CBLN2: variants seen among roughly 807,000 people sequenced by gnomAD.
The protein encoded by CBLN2 is cerebellin-2.
A neutral mutation model predicts 15.0 loss-of-function variants in CBLN2; 7 were observed. The observed-to-expected ratio is 0.47, with a 90% CI of 0.27 to 0.88. The LOEUF is 0.88. Ranked by LOEUF, CBLN2 falls within the 40% of genes least tolerant of loss-of-function variation. The probability of loss-of-function intolerance (pLI) is 0.14; values close to 1 mark genes in which losing one functional copy is unlikely to be tolerated. For missense variants in CBLN2, 242 were observed against 304.5 expected, an observed-to-expected ratio of 0.79 and a Z score of 1.53; for synonymous variants, 149 against 135.2, an observed-to-expected ratio of 1.10 and a Z score of -0.71.
intron 1 of CBLN2, among the ~76,000 whole-genome samples, chr18:72,606,551 T>G (rs1174123685): frequency 1.3e-5 from 2 of 152,216 alleles, no homozygotes; most frequent in East Asian, 3.9e-4. Flanking sequence ...CTTAGAATCA[T>G]ATCCTAGTGT....
At chr18:72,585,649 C>G (rs2069437660) in intron 1 of CBLN2, among the ~76,000 whole-genome samples, 1 of 152,184 alleles carries the variant, frequency 6.6e-6, no homozygotes, top group African/African-American at 2.4e-5. Flanking sequence ...TCAGGCCATC[C>G]CTGGCTTGAA....
At chr18:72,619,099 AT>A in intron 1 of CBLN2, 1 of 747,336 alleles carries the variant, frequency 1.3e-6, no homozygotes, top group Non-Finnish European at 2.4e-6. Context: ...AAGAGAGTAA[AT>A]TTTGGAGGCA....
At chr18:72,634,134 T>A (rs1259391951) in intron 1 of CBLN2, among the ~76,000 whole-genome samples, 1 of 152,032 alleles carries the variant, frequency 6.6e-6, no homozygotes, top group African/African-American at 2.4e-5. Context: ...GCATGCACAA[T>A]AAAGGTTTAG....
chr18:72,561,453 C>T lies in CBLN2; in HGVS notation c.16-22681G>A, dbSNP rs958400687. ...TGACTTTAACACATCTTTATTTTAT[C>T]TCCTTCTCTCTCTTTCCTCTCTGTC... is the stretch of plus-strand genomic sequence containing the variant. On this transcript the variant is annotated intron_variant, in intron 1 of 2. Coordinates refer to the CBLN2 transcript ENST00000581073. 1.3e-5 allele frequency among the ~76,000 whole-genome samples: 2 copies of T among 152,150 alleles called. 1 individual carries two copies. Among genetic ancestry groups the T allele is most frequent in the Non-Finnish European group, 2.9e-5 (2 of 68,032 alleles).
intron 1 of CBLN2, chr18:72,620,298 T>G (rs2069691610): frequency 6.6e-6 from 1 of 152,158 alleles, no homozygotes; most frequent in African/African-American, 2.4e-5. Context: ...CTCTTGTCTG[T>G]CATCCAGGAA....
intron 1 of CBLN2, among the ~76,000 whole-genome samples, chr18:72,568,022 CTCT>C (rs747714863): frequency 6.6e-6 from 1 of 152,112 alleles, no homozygotes; most frequent in African/African-American, 2.4e-5. Flanking sequence ...TCATTTTCAC[CTCT>C]TTTCTCACTC....
In CBLN2 at chr18:72,543,540, G is replaced by A; in HGVS notation, c.-211-10C>T. Reference sequence around the variant, plus strand: ...TGTCCGCGAAGTTGCTCTGCTTAGAGAAAATGAGGCGAGTGGGAGCTGTCG... The same window carrying A: ...TGTCCGCGAAGTTGCTCTGCTTAGAAAAAATGAGGCGAGTGGGAGCTGTCG... On this transcript the variant is annotated splice_polypyrimidine_tract_variant and intron_variant, in intron 1 of 4. Coordinates refer to ENST00000269503, the MANE Select transcript of CBLN2 (RefSeq NM_182511.4). This position sits in a 1 kb window ranked among gnomAD's most constrained non-coding sequence, Gnocchi z 6.8. The A allele has an allele frequency of 7.5e-6, 3 of 398,508 alleles. No homozygotes were observed. Among genetic ancestry groups the A allele is most frequent in the Non-Finnish European group, 4.4e-6 (1 of 226,006 alleles). The allele number at this position is 398,508 out of a possible 1,614,324, so 24.7% of individuals were successfully genotyped here. A position where few individuals can be genotyped will look rare whatever the true frequency, so the allele number is the denominator to read the frequency against.
At chr18:72,563,668 C>T (rs1368580108) in intron 1 of CBLN2, among the ~76,000 whole-genome samples, 1 of 152,178 alleles carries the variant, frequency 6.6e-6, no homozygotes, top group Non-Finnish European at 1.5e-5. Flanking sequence ...TTCAATAGGC[C>T]ATTCACATGC....
chr18:72,558,860 C>A (rs908853352), intron 1 of CBLN2, among the ~76,000 whole-genome samples: 4 of 152,130 alleles, frequency 2.6e-5, no homozygotes, highest in African/African-American at 7.2e-5. Flanking sequence ...TCAAGACCAA[C>A]CTGGCCAACA....
At position 72,543,141 on chromosome 18, in the gene CBLN2, G is replaced by A; in HGVS notation, c.-167+345C>T. On this transcript the variant is annotated intron_variant, in intron 2 of 4. Transcript: ENST00000269503. This position sits in a 1 kb window ranked among gnomAD's most constrained non-coding sequence, Gnocchi z 6.8. ...GGATTCTCTCTTTCTCAGCGGGGCGGCAGCCCCTGCAGGTTTCTGCGAACT... is the reference window on the plus strand; with the variant it reads ...GGATTCTCTCTTTCTCAGCGGGGCGACAGCCCCTGCAGGTTTCTGCGAACT... The A allele has an allele frequency of 9.2e-6, 2 of 217,726 alleles. No homozygotes were observed. Among genetic ancestry groups the A allele is most frequent in the Non-Finnish European group, 1.8e-5 (2 of 110,566 alleles). 13.5% of individuals were successfully genotyped at this position (217,726 alleles called of 1,614,324 possible).
upstream of CBLN2, among the ~76,000 whole-genome samples, chr18:72,546,392 G>C (rs570834282): frequency 1.0e-3 from 152 of 151,988 alleles, no homozygotes; most frequent in Admixed American, 1.6e-3. Flanking sequence ...AGCCAAGATC[G>C]GGCCACTGCA....
intron 1 of CBLN2, among the ~76,000 whole-genome samples, chr18:72,587,308 C>A (rs552049346): frequency 6.6e-6 from 1 of 152,034 alleles, no homozygotes; most frequent in Admixed American, 6.5e-5. Context: ...ACTTAATATG[C>A]AACTTGAAAT....
At chr18:72,578,932 T>C (rs914278348) in intron 1 of CBLN2, among the ~76,000 whole-genome samples, 1 of 152,248 alleles carries the variant, frequency 6.6e-6, no homozygotes, top group African/African-American at 2.4e-5. Context: ...ACAGTGACAC[T>C]GTGTCGCTAT....
intron 1 of CBLN2, among the ~76,000 whole-genome samples, chr18:72,579,404 T>C (rs1327447606): frequency 6.6e-6 from 1 of 152,190 alleles, no homozygotes; most frequent in Non-Finnish European, 1.5e-5. Context: ...CAATTTCCAA[T>C]TTCAAAAACA....
At chr18:72,551,436 T>G (rs1205388382) in intron 1 of CBLN2, among the ~76,000 whole-genome samples, 1 of 152,208 alleles carries the variant, frequency 6.6e-6, no homozygotes, top group Non-Finnish European at 1.5e-5. Flanking sequence ...TTCCTTTTGT[T>G]GTCTTTTATA....
intron 1 of CBLN2, among the ~76,000 whole-genome samples, chr18:72,602,507 A>G (rs1402465641): frequency 6.6e-6 from 1 of 152,016 alleles, no homozygotes; most frequent in African/African-American, 2.4e-5. Context: ...TCACCCCTGC[A>G]TGAAAACACG....
chr18:72,559,775 G>C (rs1055098634), intron 1 of CBLN2, among the ~76,000 whole-genome samples: 1 of 152,144 alleles, frequency 6.6e-6, no homozygotes, highest in African/African-American at 2.4e-5. Flanking sequence ...ACTTCTAAAG[G>C]GCGCTTCATA....
chr18:72,616,797 TA>T lies in CBLN2; in HGVS notation c.15+21527del, dbSNP rs532214608. ...TTCTATGAAGAGAATAACTCCTTAA[TA>T]TAGAGCAATTCGTCTTGTGTTTCTG... is the stretch of plus-strand genomic sequence containing the variant. On this transcript the variant is annotated intron_variant, in intron 1 of 2. Transcript: ENST00000581073. 3.9e-5 allele frequency among the ~76,000 whole-genome samples: 6 copies of T among 152,288 alleles called. No individual in the cohort carries two copies. In the South Asian group the frequency reaches 1.2e-3, roughly 32 times the overall value.
intron 1 of CBLN2, among the ~76,000 whole-genome samples, chr18:72,579,999 C>T (rs1270908559): frequency 6.6e-6 from 1 of 151,872 alleles, no homozygotes; most frequent in Non-Finnish European, 1.5e-5. Flanking sequence ...ATAATTAACA[C>T]TTCTGAAAAG....
Sources: gnomAD v4.1 joint callset for allele counts (sites outside exome capture counted in the v4.1 genomes callset) on GRCh38, gnomAD v4.1.1 for gene constraint, Gnocchi (gnomAD v3.1) non-coding constraint, MANE v1.5 for transcripts, NCBI Gene and HGNC (gene_info 2026-07-23, HGNC 2026-07-21) for gene names.